The following MAP3K20 variants were observed in gnomAD, a reference collection of about 807,000 sequenced individuals.
MAP3K20 encodes HCCS-4.
In MAP3K20, 40 loss-of-function variants were observed where a neutral mutation model predicts 85.7. The ratio of observed to expected loss-of-function variants is 0.47; its 90% confidence interval spans 0.36 to 0.61. The LOEUF (loss-of-function observed/expected upper bound fraction) is 0.61. Among genes scored for constraint, MAP3K20 ranks in the 20% least tolerant of loss-of-function variants. The pLI is 0.00. For missense variants in MAP3K20, 817 were observed against 961.7 expected (o/e 0.85, Z 1.99); for synonymous variants, 325 against 327.7 (o/e 0.99, Z 0.09).
At chr2:173,246,079 G>A (rs569443887) in intron 16 of MAP3K20, among the ~76,000 whole-genome samples, 1 of 152,288 alleles carries the variant, frequency 6.6e-6, no homozygotes, top group Non-Finnish European at 1.5e-5. Flanking sequence ...TGAGCACTTT[G>A]CAAAGGGCAT....
In MAP3K20 at chr2:173,180,548, C is replaced by T. The variant is rs138777124; in HGVS notation, c.248-2306C>T. On this transcript the variant is annotated intron_variant, in intron 3 of 19. Transcript: ENST00000375213. ...AAAAATTAGCCAGCGTGGTGATGTG[C>T]ACCTGTAGTCCCAGCTACTAGAAAG... Among the ~76,000 whole-genome samples, 21 of 152,212 alleles carry T rather than the reference C, an allele frequency of 1.4e-4. 1 individual carries two copies. The highest frequency in any genetic ancestry group is 4.3e-4 in the African/African-American group (18 of 41,532).
At chr2:173,090,251 G>A (rs1687254794) in intron 1 of MAP3K20, among the ~76,000 whole-genome samples, 1 of 152,196 alleles carries the variant, frequency 6.6e-6, no homozygotes, top group Non-Finnish European at 1.5e-5. Context: ...TCCTTAGACT[G>A]TAGGAAAGAT....
chr2:173,227,747 T>C (rs1684426255), intron 11 of MAP3K20, among the ~76,000 whole-genome samples: 1 of 152,254 alleles, frequency 6.6e-6, no homozygotes, highest in African/African-American at 2.4e-5. Context: ...TTAGGAATTT[T>C]ATAAAAATAA....
chr2:173,195,026 TG>T (rs1690781172), intron 7 of MAP3K20, among the ~76,000 whole-genome samples: 1 of 152,094 alleles, frequency 6.6e-6, no homozygotes, highest in African/African-American at 2.4e-5. Context: ...GGGAGGCAAT[TG>T]TTTCCCTCCA....
chr2:173,091,082 G>GT lies in MAP3K20; in HGVS notation c.57dup (p.Glu20Ter). Reference sequence around the variant, plus strand: ...TGCAAATTAAATTTGATGACTTGCAGTTTTTTGAAAACTGCGGTGGAGGAA... The same window carrying GT: ...TGCAAATTAAATTTGATGACTTGCAGTTTTTTTGAAAACTGCGGTGGAGGAA... On this transcript the variant is annotated frameshift_variant, in exon 2 of 20. Coordinates refer to ENST00000375213, the MANE Select transcript of MAP3K20 (RefSeq NM_016653.3). LOFTEE classifies it high-confidence loss of function. 1 of 1,613,908 alleles carries GT rather than the reference G, an allele frequency of 6.2e-7. No individual in the cohort carries two copies. The highest frequency in any genetic ancestry group is 8.5e-7 in the Non-Finnish European group (1 of 1,179,926).
intron 1 of MAP3K20, among the ~76,000 whole-genome samples, chr2:173,082,322 A>G (rs993543365): frequency 4.6e-5 from 7 of 152,194 alleles, no homozygotes; most frequent in African/African-American, 1.7e-4. Flanking sequence ...TTGCCTCTTG[A>G]TCATCAAAAC....
At chr2:173,261,028 T>G (rs755084014) in intron 17 of MAP3K20, 35 bp from the exon 18 acceptor site, 1 of 1,600,432 alleles carries the variant, frequency 6.2e-7, no homozygotes, top group Non-Finnish European at 8.6e-7. Flanking sequence ...CAGACTGTGT[T>G]ATGGTACTAC....
At chr2:173,133,633 C>T (rs1160680647) in intron 2 of MAP3K20, among the ~76,000 whole-genome samples, 2 of 152,146 alleles carry the variant, frequency 1.3e-5, no homozygotes, top group African/African-American at 4.8e-5. Flanking sequence ...TTCAAAATGA[C>T]GTGGTGGGCT....
chr2:173,160,936 C>T (rs1423997937), intron 2 of MAP3K20, among the ~76,000 whole-genome samples: 1 of 152,146 alleles, frequency 6.6e-6, no homozygotes, highest in African/African-American at 2.4e-5. Context: ...GCTTTCAGGT[C>T]GAATAATGGG....
At chr2:173,247,075 C>G (rs559235265) in intron 16 of MAP3K20, among the ~76,000 whole-genome samples, 1 of 152,328 alleles carries the variant, frequency 6.6e-6, no homozygotes, top group South Asian at 2.1e-4. Flanking sequence ...AGCCAACTCC[C>G]TCTCCTGCCT....
At chr2:173,144,280 A>G (rs1045131514) in intron 2 of MAP3K20, among the ~76,000 whole-genome samples, 9 of 152,050 alleles carry the variant, frequency 5.9e-5, no homozygotes, top group Non-Finnish European at 8.8e-5. Context: ...AGGCTAACAC[A>G]GTGAAACCCC....
At chr2:173,190,806 CAG>C in intron 5 of MAP3K20, 87 bp from the exon 6 acceptor site, 1 of 1,203,956 alleles carries the variant, frequency 8.3e-7, no homozygotes, top group South Asian at 1.4e-5. Context: ...ATATTGAAGA[CAG>C]AAATAGAAGT....
intron 2 of MAP3K20, among the ~76,000 whole-genome samples, chr2:173,110,545 T>C (rs914235146): frequency 2.6e-5 from 4 of 151,910 alleles, no homozygotes; most frequent in Non-Finnish European, 5.9e-5. Context: ...CACTGCACCA[T>C]ATTTGTAGTC....
chr2:173,163,204 G>A (rs955667415), intron 2 of MAP3K20, among the ~76,000 whole-genome samples: 1 of 152,302 alleles, frequency 6.6e-6, no homozygotes, highest in South Asian at 2.1e-4. Flanking sequence ...GCAGTTAGTT[G>A]TACAGATTAT....
At chr2:173,087,061 C>G (rs970774683) in intron 1 of MAP3K20, among the ~76,000 whole-genome samples, 1 of 152,188 alleles carries the variant, frequency 6.6e-6, no homozygotes, top group African/African-American at 2.4e-5. Flanking sequence ...GAAGAATAAC[C>G]AGAAGCTATT....
intron 11 of MAP3K20, chr2:173,225,772 T>C: frequency 1.0e-6 from 1 of 985,278 alleles, no homozygotes; most frequent in Non-Finnish European, 1.2e-6. Context: ...CTGAATTTTG[T>C]GAGTTTCGTG....
chr2:173,113,226 G>A (rs1688022951), intron 2 of MAP3K20, among the ~76,000 whole-genome samples: 1 of 152,082 alleles, frequency 6.6e-6, no homozygotes, highest in Non-Finnish European at 1.5e-5. Flanking sequence ...TTTAAATGAT[G>A]TCAGTTGTAA....
intron 2 of MAP3K20, among the ~76,000 whole-genome samples, chr2:173,144,887 A>C (rs1689093393): frequency 6.6e-6 from 1 of 152,230 alleles, no homozygotes; most frequent in Non-Finnish European, 1.5e-5. Context: ...ATTGGTATAA[A>C]GACAAAAATA....
intron 1 of MAP3K20, among the ~76,000 whole-genome samples, chr2:173,082,694 T>A (rs1237712527): frequency 6.6e-6 from 1 of 152,164 alleles, no homozygotes; most frequent in African/African-American, 2.4e-5. Flanking sequence ...CCTAGAAATC[T>A]CCCCTCTCCG....
Sources: gnomAD v4.1 joint callset for allele counts (sites outside exome capture counted in the v4.1 genomes callset) on GRCh38, gnomAD v4.1.1 for gene constraint, MANE v1.5 for transcripts, NCBI Gene and HGNC (gene_info 2026-07-23, HGNC 2026-07-21) for gene names.